The following COL24A1 variants were observed in gnomAD, a reference collection of about 807,000 sequenced individuals.
COL24A1 encodes collagen alpha-1(XXIV) chain.
Under a neutral mutation model 253.9 loss-of-function variants are expected in COL24A1, and 224 were observed. That is an observed-to-expected ratio of 0.88 (90% CI 0.79 to 0.99). The LOEUF (loss-of-function observed/expected upper bound fraction) is 0.99. Ranked by LOEUF, COL24A1 falls within the 50% of genes least tolerant of loss-of-function variation. COL24A1 has a pLI of 0.00. For missense variants in COL24A1, 2,131 were observed against 2,068.5 expected (o/e 1.03, Z -0.59); for synonymous variants, 685 against 673.7 (o/e 1.02, Z -0.26).
At chr1:85,920,161 A>G (rs1686306170) in intron 24 of COL24A1, among the ~76,000 whole-genome samples, 1 of 152,230 alleles carries the variant, frequency 6.6e-6, no homozygotes, top group East Asian at 1.9e-4. Context: ...GTAAACGTAT[A>G]TTTTCTAAAA....
rs1388684846 is a variant in COL24A1 at position 86,037,576 on chromosome 1, GA to G, written c.1951-3654del. ...AGGTAATAAATTCTTCCTACAACCT[GA>G]ATGAGTCTGGAAATGAACTTTACCC... On this transcript the variant is annotated intron_variant, in intron 12 of 59. Transcript: ENST00000370571. 6.6e-5 allele frequency among the ~76,000 whole-genome samples: 10 copies of G among 152,206 alleles called. No homozygotes were observed. The East Asian group carries it at 1.7e-3, about 26-fold the overall frequency.
intron 24 of COL24A1, among the ~76,000 whole-genome samples, chr1:85,913,308 T>C (rs1685550351): frequency 6.6e-6 from 1 of 152,176 alleles, no homozygotes; most frequent in Non-Finnish European, 1.5e-5. Context: ...GACAATACTT[T>C]GCAGGGTTGG....
At chr1:86,050,274 A>G (rs912571618) in intron 10 of COL24A1, 97 bp from the exon 11 acceptor site, 32 of 974,812 alleles carry the variant, frequency 3.3e-5, no homozygotes, top group Non-Finnish European at 4.3e-5. Flanking sequence ...TTGTAGTAGT[A>G]CGAAATTACA....
chr1:85,910,020 G>GA lies in COL24A1; in HGVS notation c.2617-18dup. 1 of 1,600,582 alleles carries GA rather than the reference G, an allele frequency of 6.2e-7. No homozygotes were observed. Among genetic ancestry groups the GA allele is most frequent in the African/African-American group, 1.3e-5 (1 of 74,354 alleles). On this transcript the variant is annotated splice_polypyrimidine_tract_variant and intron_variant, in intron 25 of 59. Transcript: ENST00000370571. Reference sequence around the variant, plus strand: ...ACGTTCTCCCTTTTAAGAGAACAAAGAAAAAAGAGTAACATAGAGGCATAT... The same window carrying GA: ...ACGTTCTCCCTTTTAAGAGAACAAAGAAAAAAAGAGTAACATAGAGGCATAT...
chr1:85,983,112 T>A (rs567586308), intron 20 of COL24A1, among the ~76,000 whole-genome samples: 38 of 152,134 alleles, frequency 2.5e-4, no homozygotes, highest in African/African-American at 8.4e-4. Context: ...TAAAAACTTA[T>A]CAGGTCTGCT....
rs540497150 is a variant in COL24A1 at position 85,848,550 on chromosome 1, T to A, written c.3355-778A>T. 2.6e-5 allele frequency among the ~76,000 whole-genome samples: 4 copies of A among 152,306 alleles called. No homozygotes were observed. In the East Asian group the frequency reaches 7.7e-4, roughly 29 times the overall value. On this transcript the variant is annotated intron_variant, in intron 38 of 59. Transcript: ENST00000370571. ...GTTTCGATCTCCTGACTTCAAGCGA[T>A]CCGCCCACCTCGGCCTCCCAAAGTG...
chr1:85,770,394 GC>G (rs1268949672), intron 53 of COL24A1, among the ~76,000 whole-genome samples: 7 of 151,154 alleles, frequency 4.6e-5, no homozygotes, highest in Non-Finnish European at 1.0e-4. Context: ...ATTCTCATGG[GC>G]CTTATGTACT....
At chr1:85,862,526 A>G (rs1415894258) in intron 37 of COL24A1, among the ~76,000 whole-genome samples, 1 of 152,224 alleles carries the variant, frequency 6.6e-6, no homozygotes, top group East Asian at 1.9e-4. Context: ...TCCTGACACA[A>G]TCATCTTGGG....
intron 31 of COL24A1, among the ~76,000 whole-genome samples, chr1:85,895,210 T>C (rs2102790820): frequency 6.6e-6 from 1 of 152,222 alleles, no homozygotes; most frequent in South Asian, 2.1e-4. Context: ...ATAGAACTTG[T>C]TGCCTCTCAG....
chr1:85,868,663 C>CTTTAT, intron 36 of COL24A1, 37 bp from the exon 37 acceptor site: 1 of 1,555,976 alleles, frequency 6.4e-7, no homozygotes, highest in Non-Finnish European at 8.8e-7. Flanking sequence ...TAAAGGAATA[C>CTTTAT]AGTGAAATAA....
At chr1:86,153,096 T>C (rs1366950486) in intron 1 of COL24A1, among the ~76,000 whole-genome samples, 1 of 152,200 alleles carries the variant, frequency 6.6e-6, no homozygotes, top group Non-Finnish European at 1.5e-5. Flanking sequence ...GTCTCACTTC[T>C]GAGCTTTTTA....
intron 19 of COL24A1, among the ~76,000 whole-genome samples, chr1:86,015,239 G>C (rs1036031875): frequency 6.6e-6 from 1 of 152,154 alleles, no homozygotes; most frequent in Non-Finnish European, 1.5e-5. Flanking sequence ...TCTAGCATCA[G>C]TTCTTGACAG....
intron 21 of COL24A1, 31 bp from the exon 22 acceptor site, chr1:85,970,302 T>C (rs1241063233): frequency 6.5e-7 from 1 of 1,540,004 alleles, no homozygotes; most frequent in Non-Finnish European, 8.8e-7. Flanking sequence ...GAACATATTA[T>C]GGCCTAAAAT....
intron 2 of COL24A1, among the ~76,000 whole-genome samples, chr1:86,143,153 T>C (rs1383632998): frequency 6.6e-6 from 1 of 152,148 alleles, no homozygotes; most frequent in African/African-American, 2.4e-5. Context: ...AGGATGCAAC[T>C]AGAGGATGTG....
At chr1:85,868,866 T>G (rs1423466365) in intron 35 of COL24A1, 31 bp from the exon 36 acceptor site, 8 of 1,429,008 alleles carry the variant, frequency 5.6e-6, no homozygotes, top group Non-Finnish European at 7.6e-6. Context: ...TATGATTGAG[T>G]TTTTTTTTGC....
intron 5 of COL24A1, among the ~76,000 whole-genome samples, chr1:86,093,265 T>G (rs1271083075): frequency 6.6e-6 from 1 of 152,046 alleles, no homozygotes; most frequent in African/African-American, 2.4e-5. Context: ...GAACCCTCAC[T>G]GGCAGAGTCC....
chr1:85,944,762 C>A (rs1196502625), intron 24 of COL24A1, among the ~76,000 whole-genome samples: 3 of 151,932 alleles, frequency 2.0e-5, no homozygotes, highest in African/African-American at 7.3e-5. Context: ...CCCGACCCCA[C>A]AACAGTCCCC....
At chr1:85,869,236 AT>A (rs1202706753) in intron 35 of COL24A1, among the ~76,000 whole-genome samples, 1 of 152,164 alleles carries the variant, frequency 6.6e-6, no homozygotes, top group Admixed American at 6.6e-5. Flanking sequence ...ATAAAACTTG[AT>A]TCAGTTATGA....
intron 32 of COL24A1, among the ~76,000 whole-genome samples, chr1:85,887,386 A>C (rs1682637172): frequency 1.3e-5 from 2 of 152,146 alleles, no homozygotes; most frequent in Non-Finnish European, 2.9e-5. Context: ...TACATAAACC[A>C]AGGGACATTA....
Sources: gnomAD v4.1 joint callset for allele counts (sites outside exome capture counted in the v4.1 genomes callset) on GRCh38, gnomAD v4.1.1 for gene constraint, MANE v1.5 for transcripts, NCBI Gene and HGNC (gene_info 2026-07-23, HGNC 2026-07-21) for gene names.